The following CDH4 variants were observed in gnomAD, a reference collection of about 807,000 sequenced individuals.
CDH4 encodes cadherin 4, also known as cadherin-4.
CDH4 carries 33 observed loss-of-function variants against 86.0 expected under a neutral mutation model. The ratio of observed to expected loss-of-function variants is 0.38; its 90% CI spans 0.29 to 0.51. The LOEUF (loss-of-function observed/expected upper bound fraction) is 0.51, where lower values mean the gene tolerates loss of function less well. CDH4 is among the 20% of genes least tolerant of loss of function. The pLI is 0.86. For missense variants in CDH4, 1,114 were observed against 1,307.4 expected (o/e 0.85, Z 2.28); for synonymous variants, 555 against 549.4 (o/e 1.01, Z -0.14).
At chr20:61,830,215 A>G (rs1315952383) in intron 4 of CDH4, among the ~76,000 whole-genome samples, 1 of 151,408 alleles carries the variant, frequency 6.6e-6, no homozygotes, top group Admixed American at 6.6e-5. Context: ...AGAGGCTCCG[A>G]GGGAGCAGGC....
At chr20:61,847,552 C>A (rs183844911) in intron 5 of CDH4, among the ~76,000 whole-genome samples, 1 of 152,244 alleles carries the variant, frequency 6.6e-6, no homozygotes. Context: ...TGTAAACATG[C>A]GGTGTAAACA....
intron 8 of CDH4, among the ~76,000 whole-genome samples, chr20:61,899,490 T>G (rs1443213937): frequency 6.6e-6 from 1 of 152,032 alleles, no homozygotes; most frequent in East Asian, 1.9e-4. Flanking sequence ...TGCAGTGGCG[T>G]GGTCTCGGCT....
intron 2 of CDH4, among the ~76,000 whole-genome samples, chr20:61,315,872 T>A (rs537528336): frequency 4.6e-5 from 7 of 152,106 alleles, no homozygotes; most frequent in Non-Finnish European, 1.0e-4. Flanking sequence ...TCCAGCTAAT[T>A]TTTTGTTTTT....
chr20:61,446,383 G>C, intron 2 of CDH4, among the ~76,000 whole-genome samples: 1 of 152,096 alleles, frequency 6.6e-6, no homozygotes, highest in South Asian at 2.1e-4. Flanking sequence ...ATTATACTTT[G>C]ATCATACCCA....
intron 2 of CDH4, among the ~76,000 whole-genome samples, chr20:61,456,695 A>G (rs779164761): frequency 1.3e-5 from 2 of 152,224 alleles, no homozygotes; most frequent in Non-Finnish European, 2.9e-5. Flanking sequence ...GCACCTTCAG[A>G]AGACAACAGA....
chr20:61,294,605 C>T (rs140045994), intron 2 of CDH4, among the ~76,000 whole-genome samples: 1 of 152,234 alleles, frequency 6.6e-6, no homozygotes, highest in East Asian at 1.9e-4. Flanking sequence ...GGACCCCACA[C>T]ATGCTGGACA....
chr20:61,289,029 C>G (rs1238464775), intron 2 of CDH4, among the ~76,000 whole-genome samples: 1 of 152,182 alleles, frequency 6.6e-6, no homozygotes, highest in African/African-American at 2.4e-5. Context: ...GTTGGAATGA[C>G]AGAGCAGTTT....
intron 2 of CDH4, among the ~76,000 whole-genome samples, chr20:61,543,045 G>C (rs535682796): frequency 4.4e-4 from 67 of 152,222 alleles, no homozygotes; most frequent in Non-Finnish European, 8.2e-4. Context: ...CATCCGCTCG[G>C]GAGAAAGATG....
At chr20:61,446,564 G>A (rs76039597) in intron 2 of CDH4, among the ~76,000 whole-genome samples, 2,743 of 152,280 alleles carry the variant, frequency 0.018, 44 homozygotes, top group African/African-American at 0.038. Flanking sequence ...TTAAAAAGTT[G>A]GGTTGCTTGC....
chr20:61,590,630 C>A (rs916537048), intron 2 of CDH4, among the ~76,000 whole-genome samples: 1 of 152,024 alleles, frequency 6.6e-6, no homozygotes, highest in African/African-American at 2.4e-5. Context: ...AACCTTCCCT[C>A]TGCCAGGCTC....
At chr20:61,904,056 C>T (rs1007056316) in intron 8 of CDH4, among the ~76,000 whole-genome samples, 12 of 152,212 alleles carry the variant, frequency 7.9e-5, no homozygotes, top group Admixed American at 6.5e-4. Flanking sequence ...CCTGGGACTT[C>T]CCCCAAGCCG....
At chr20:61,385,005 G>A (rs541581520) in intron 2 of CDH4, among the ~76,000 whole-genome samples, 14 of 152,264 alleles carry the variant, frequency 9.2e-5, no homozygotes, top group South Asian at 2.1e-4. Context: ...ATCTTCCTAC[G>A]ATGAGGATGT....
intron 3 of CDH4, among the ~76,000 whole-genome samples, chr20:61,758,216 T>C (rs1188699323): frequency 6.6e-6 from 1 of 151,802 alleles, no homozygotes; most frequent in Non-Finnish European, 1.5e-5. Flanking sequence ...GACATCCAAG[T>C]TGAGAGGTGA....
rs867430129 is a variant in CDH4, at chr20:61,920,300, G to A, written c.1375-3151G>A. On this transcript the variant is annotated intron_variant, in intron 9 of 15. Coordinates refer to ENST00000614565, the MANE Select transcript of CDH4 (RefSeq NM_001794.5). ...CATGATTGTGTGGAAGCATGGTATC[G>A]TGATTGTGTGGAAGCGTGGTGTGAT... is the stretch of plus-strand genomic sequence containing the variant. Among the ~76,000 whole-genome samples, 205 of 149,610 alleles carry A rather than the reference G, an allele frequency of 1.4e-3. 1 individual carries two copies. The Middle Eastern group carries it at 0.016, about 11-fold the overall frequency.
At chr20:61,391,863 G>A (rs2084987923) in intron 2 of CDH4, among the ~76,000 whole-genome samples, 2 of 152,130 alleles carry the variant, frequency 1.3e-5, no homozygotes, top group Admixed American at 1.3e-4. Context: ...ACACTGAGAC[G>A]CTAGGAGGGA....
At chr20:61,628,234 A>G (rs948855415) in intron 2 of CDH4, among the ~76,000 whole-genome samples, 26 of 152,040 alleles carry the variant, frequency 1.7e-4, no homozygotes, top group African/African-American at 6.3e-4. Context: ...GCCTGAAAAC[A>G]CACACAGGTG....
intron 4 of CDH4, among the ~76,000 whole-genome samples, chr20:61,800,024 A>G (rs939736074): frequency 3.3e-5 from 5 of 151,992 alleles, no homozygotes; most frequent in Non-Finnish European, 5.9e-5. Flanking sequence ...CTCGGTGGGC[A>G]CAGTCACCGG....
intron 2 of CDH4, among the ~76,000 whole-genome samples, chr20:61,329,276 C>T (rs1444919879): frequency 2.3e-4 from 1 of 4,310 alleles, no homozygotes; most frequent in African/African-American, 4.2e-4. Context: ...ATCCACTCTG[C>T]TCCAGTGTTT....
chr20:61,267,318 C>G (rs150594231), intron 2 of CDH4, among the ~76,000 whole-genome samples: 1 of 152,138 alleles, frequency 6.6e-6, no homozygotes, highest in Non-Finnish European at 1.5e-5. Context: ...CCGATCTTTG[C>G]GAAAGCATCA....
Sources: gnomAD v4.1 joint callset for allele counts (sites outside exome capture counted in the v4.1 genomes callset) on GRCh38, gnomAD v4.1.1 for gene constraint, MANE v1.5 for transcripts, NCBI Gene and HGNC (gene_info 2026-07-23, HGNC 2026-07-21) for gene names.